POPDC2: variants seen among roughly 807,000 people sequenced by gnomAD.
POPDC2 encodes popeye domain-containing protein 2.
Under a neutral mutation model 30.5 loss-of-function variants are expected in POPDC2, and 24 were observed. The observed-to-expected ratio is 0.79, with a 90% confidence interval of 0.57 to 1.11. The LOEUF (loss-of-function observed/expected upper bound fraction) is 1.11. Ranked by LOEUF, POPDC2 falls within the 50% of genes least tolerant of loss-of-function variation. The pLI is 0.00. For synonymous variants in POPDC2, 185 were observed against 183.3 expected (o/e 1.01, Z -0.07); for missense variants, 409 against 447.0 (o/e 0.91, Z 0.77).
At chr3:119,658,368 A>C (rs773084250) in intron 1 of POPDC2, among the ~76,000 whole-genome samples, 15 of 152,228 alleles carry the variant, frequency 9.9e-5, no homozygotes, top group Non-Finnish European at 2.1e-4. Context: ...AGCTACACCA[A>C]GGGCAAGCCC....
Position 119,648,545 on chromosome 3 carries a change from A to G in POPDC2, c.724T>C (p.Ser242Pro). 1 of 1,613,666 alleles carries G rather than the reference A, an allele frequency of 6.2e-7. No individual in the cohort carries two copies. The highest frequency in any genetic ancestry group is 8.5e-7 in the Non-Finnish European group (1 of 1,179,858). ...LFSALLGYDI[S>P]EKLYTLNDKL... is the part of the protein sequence containing the mutation. The stretch of plus-strand genomic sequence containing the variant: ...TCATTGAGAGTGTAGAGCTTCTCTG[A>G]GATGTCATATCCCAGCAGAGCCGAG... Residue 242 changes from serine (S) to proline (P), a missense_variant, in exon 3 of 4, where the codon TCA becomes CCA. Ser to Pro is a moderately conservative substitution (Grantham distance 74). Coordinates refer to ENST00000493094, the MANE Select transcript of POPDC2 (RefSeq NM_001369919.2).
At chr3:119,643,601 G>C (rs1192444424) in intron 3 of POPDC2, among the ~76,000 whole-genome samples, 5 of 152,180 alleles carry the variant, frequency 3.3e-5, no homozygotes. Context: ...CAGCAACCCG[G>C]TAAGGTAGAC....
chr3:119,660,538 G>T lies in POPDC2; in HGVS notation c.-115C>A. 1 of 1,199,134 alleles carries T rather than the reference G, an allele frequency of 8.3e-7. No individual in the cohort carries two copies. The highest frequency in any genetic ancestry group is 1.1e-6 in the Non-Finnish European group (1 of 879,310). The allele number at this position is 1,199,134 out of a possible 1,614,324, so 74.3% of individuals were successfully genotyped here. A position where few individuals can be genotyped will look rare whatever the true frequency, so the allele number is the denominator to read the frequency against. On this transcript the variant is annotated 5_prime_UTR_variant, in exon 1 of 4. Coordinates refer to ENST00000493094, the MANE Select transcript of POPDC2 (RefSeq NM_001369919.2). ...TTCTCACCTCCGGCTTCTCACTACC[G>T]ACTCCACCTTTCCTAGAAGGAATGC...
At chr3:119,652,696 A>C (rs1467964705) in intron 2 of POPDC2, among the ~76,000 whole-genome samples, 2 of 152,144 alleles carry the variant, frequency 1.3e-5, no homozygotes, top group South Asian at 4.1e-4. Flanking sequence ...CATGTGCCTG[A>C]GAGAGTTCCT....
intron 3 of POPDC2, among the ~76,000 whole-genome samples, chr3:119,644,703 C>T (rs1201469153): frequency 1.3e-5 from 2 of 152,182 alleles, no homozygotes; most frequent in African/African-American, 4.8e-5. Flanking sequence ...ATTCAGCCAG[C>T]TTCATGCCTC....
At chr3:119,653,571 G>A (rs1419455471) in intron 2 of POPDC2, among the ~76,000 whole-genome samples, 3 of 151,414 alleles carry the variant, frequency 2.0e-5, no homozygotes, top group South Asian at 2.1e-4. Flanking sequence ...TCCGCCTCCC[G>A]GGTTCACGCC....
chr3:119,649,078 T>C (rs958357005), intron 2 of POPDC2, among the ~76,000 whole-genome samples: 1 of 152,176 alleles, frequency 6.6e-6, no homozygotes, highest in Non-Finnish European at 1.5e-5. Flanking sequence ...CAACTATTCA[T>C]TTTAAGAATG....
At chr3:119,646,776 A>G (rs910343068) in intron 3 of POPDC2, among the ~76,000 whole-genome samples, 10 of 152,332 alleles carry the variant, frequency 6.6e-5, no homozygotes, top group Admixed American at 2.0e-4. Context: ...GAAAACAGAG[A>G]GCTGCTGTGA....
At chr3:119,651,639 C>T (rs2052811221) in intron 2 of POPDC2, among the ~76,000 whole-genome samples, 3 of 151,266 alleles carry the variant, frequency 2.0e-5, no homozygotes, top group South Asian at 4.2e-4. Flanking sequence ...TCTTCCCCCA[C>T]CCCACCGCCC....
At position 119,660,473 on chromosome 3, in the gene POPDC2, G is replaced by C. The variant is rs145466596; in HGVS notation, c.-50C>G. 511 of 1,547,982 alleles carry C rather than the reference G, an allele frequency of 3.3e-4. 3 individuals carry two copies. The African/African-American group carries it at 6.0e-3, about 18-fold the overall frequency. ...TGGGCTCTAATACTGTCCTCACATAGGAAATTCAGAAAATGAATGAATCCA... is the reference window on the plus strand; with the variant it reads ...TGGGCTCTAATACTGTCCTCACATACGAAATTCAGAAAATGAATGAATCCA... On this transcript the variant is annotated 5_prime_UTR_variant, in exon 1 of 4. Coordinates refer to ENST00000493094, the MANE Select transcript of POPDC2 (RefSeq NM_001369919.2).
chr3:119,649,804 T>A (rs367879530), intron 2 of POPDC2, among the ~76,000 whole-genome samples: 2 of 152,298 alleles, frequency 1.3e-5, no homozygotes, highest in East Asian at 3.9e-4. Flanking sequence ...GGATCTCCCA[T>A]TACCCTCCTC....
chr3:119,659,010 G>C (rs1273512097), intron 1 of POPDC2, among the ~76,000 whole-genome samples: 4 of 151,826 alleles, frequency 2.6e-5, no homozygotes, highest in Admixed American at 6.6e-5. Flanking sequence ...CTGGTGGAGT[G>C]GGGGTTGTGG....
At position 119,642,558 on chromosome 3, in the gene POPDC2, G is replaced by T. The variant is rs2052701842; in HGVS notation, c.*47C>A. The T allele has an allele frequency of 2.5e-6, 4 of 1,606,808 alleles. No individual in the cohort carries two copies. The South Asian group carries it at 4.4e-5, about 18-fold the overall frequency. Reference sequence around the variant, plus strand: ...AGAGTAGCTCTGGAGAGGAATTCTAGAAGCTGTGGAAAGAAAAAGAGGGAG... The same window carrying T: ...AGAGTAGCTCTGGAGAGGAATTCTATAAGCTGTGGAAAGAAAAAGAGGGAG... On this transcript the variant is annotated 3_prime_UTR_variant, in exon 4 of 4. Coordinates refer to ENST00000493094, the MANE Select transcript of POPDC2 (RefSeq NM_001369919.2).
chr3:119,648,604 A>G lies in POPDC2; in HGVS notation c.665T>C (p.Leu222Pro), dbSNP rs746932581. The G allele has an allele frequency of 6.2e-7, 1 of 1,614,212 alleles. No individual in the cohort carries two copies. The highest frequency in any genetic ancestry group is 1.3e-5 in the African/African-American group (1 of 75,048). ...ISWPRKSLHLLLTKERYISCL... is the reference protein window; with the variant it reads ...ISWPRKSLHLPLTKERYISCL... ...GGAGATGTATCGCTCTTTGGTCAGA[A>G]GAAGATGGAGACTTTTCCGGGGCCA... The change falls in exon 3 of 4, where the codon CTT becomes CCT. Residue 222 changes from leucine to proline, a missense_variant. By Grantham distance (98) the Leu-to-Pro change is moderately conservative. Coordinates refer to ENST00000493094, the MANE Select transcript of POPDC2 (RefSeq NM_001369919.2).
At chr3:119,654,699 C>G (rs1212483389) in intron 1 of POPDC2, 86 bp from the exon 2 acceptor site, 2 of 926,890 alleles carry the variant, frequency 2.2e-6, no homozygotes, top group East Asian at 4.9e-5. Flanking sequence ...CGCTGATTAA[C>G]ATGAATCTTC....
intron 3 of POPDC2, among the ~76,000 whole-genome samples, 184 bp from the exon 4 acceptor site, chr3:119,642,745 A>G (rs2107810758): frequency 6.6e-6 from 1 of 152,306 alleles, no homozygotes; most frequent in South Asian, 2.1e-4. Flanking sequence ...TATTAGGGCA[A>G]GTCAGCTTTG....
At chr3:119,643,455 AAAAGAAAGAG>A (rs1414676535) in intron 3 of POPDC2, 24 of 1,508,806 alleles carry the variant, frequency 1.6e-5, no homozygotes, top group Non-Finnish European at 2.0e-5. Context: ...TATCTCTGAT[AAAAGAAAGAG>A]AAAGAAAGAG....
intron 1 of POPDC2, 89 bp from the exon 2 acceptor site, chr3:119,654,702 G>C: frequency 1.1e-6 from 1 of 895,050 alleles, no homozygotes; most frequent in Non-Finnish European, 1.8e-6. Flanking sequence ...TGATTAACAT[G>C]AATCTTCCTG....
chr3:119,642,899 G>A (rs2052706824), intron 3 of POPDC2, among the ~76,000 whole-genome samples: 1 of 152,174 alleles, frequency 6.6e-6, no homozygotes, highest in South Asian at 2.1e-4. Context: ...TTGAATAATG[G>A]TAAGTTTCAT....
Sources: allele counts gnomAD v4.1 joint callset (sites outside exome capture counted in the v4.1 genomes callset), GRCh38; gene constraint gnomAD v4.1.1; transcripts MANE v1.5; gene names NCBI Gene and HGNC (gene_info 2026-07-23, HGNC 2026-07-21).